STK17B: variants seen among roughly 807,000 people sequenced by gnomAD.
STK17B encodes serine/threonine-protein kinase 17B.
Under a neutral mutation model 42.0 loss-of-function variants are expected in STK17B, and 21 were observed. That is an observed-to-expected ratio of 0.50 (90% CI 0.35 to 0.72). STK17B has a LOEUF of 0.72. STK17B is among the 30% of genes least tolerant of loss of function. The pLI is 0.00. For synonymous variants in STK17B, 143 were observed against 148.4 expected (o/e 0.96, Z 0.26); for missense variants, 349 against 446.0 (o/e 0.78, Z 1.96).
At chr2:196,152,815 T>G (rs1699683948) in intron 3 of STK17B, among the ~76,000 whole-genome samples, 1 of 152,186 alleles carries the variant, frequency 6.6e-6, no homozygotes, top group South Asian at 2.1e-4. Context: ...TGAGCCAGAA[T>G]GAATAAATGT....
At chr2:196,171,944 G>C (rs1006480503), upstream of STK17B, among the ~76,000 whole-genome samples, 1 of 152,204 alleles carries the variant, frequency 6.6e-6, no homozygotes, top group Non-Finnish European at 1.5e-5. Context: ...GGAGACCGGG[G>C]AGAAGGAAGC....
intron 4 of STK17B, among the ~76,000 whole-genome samples, chr2:196,144,449 T>C (rs753453229): frequency 5.2e-5 from 6 of 114,456 alleles, no homozygotes; most frequent in Non-Finnish European, 8.1e-5. Flanking sequence ...ATCGCACCAC[T>C]GCAATTCAGC....
At chr2:196,161,413 A>G (rs1346900556) in intron 2 of STK17B, among the ~76,000 whole-genome samples, 1 of 152,098 alleles carries the variant, frequency 6.6e-6, no homozygotes, top group Non-Finnish European at 1.5e-5. Context: ...ATACACCATT[A>G]AAACACCCAA....
intron 3 of STK17B, among the ~76,000 whole-genome samples, chr2:196,152,552 C>T (rs1431247755): frequency 6.6e-6 from 1 of 152,176 alleles, no homozygotes; most frequent in Non-Finnish European, 1.5e-5. Context: ...CATAATAATT[C>T]CCATTTACAG....
chr2:196,169,222 C>T (rs567018934), intron 1 of STK17B, among the ~76,000 whole-genome samples: 2 of 151,944 alleles, frequency 1.3e-5, no homozygotes, highest in East Asian at 3.9e-4. Context: ...ACTACAGGCG[C>T]GCGCCACAAT....
chr2:196,161,581 T>G (rs1462640054), intron 2 of STK17B, among the ~76,000 whole-genome samples: 6 of 134,826 alleles, frequency 4.5e-5, no homozygotes, highest in African/African-American at 1.7e-4. Context: ...TGCAGTGGCA[T>G]GATATCGGCT....
chr2:196,147,734 A>ATTT lies in STK17B; in HGVS notation c.336-1680_336-1679insAAA, dbSNP rs200152797. 2.0e-4 allele frequency among the ~76,000 whole-genome samples: 29 copies of ATTT among 145,498 alleles called. No homozygotes were observed. In the East Asian group the frequency reaches 2.8e-3, roughly 14 times the overall value. On this transcript the variant is annotated intron_variant, in intron 3 of 7. Coordinates refer to ENST00000263955, the MANE Select transcript of STK17B (RefSeq NM_004226.4). ...TTGCTGTAAATTCATGAGACATAAT[A>ATTT]TATTTTTTTTTTTTTTGAGATGGAG...
At chr2:196,145,354 A>C (rs935430472) in intron 4 of STK17B, among the ~76,000 whole-genome samples, 1 of 152,078 alleles carries the variant, frequency 6.6e-6, no homozygotes, top group Non-Finnish European at 1.5e-5. Context: ...TTCAGATCTT[A>C]AGGTCCTTGT....
In STK17B at chr2:196,134,841, T is replaced by C. The variant is rs1320421370; in HGVS notation, c.*2606A>G. 6.6e-6 allele frequency: 1 copy of C among 152,226 alleles called. No individual in the cohort carries two copies. Among genetic ancestry groups the C allele is most frequent in the African/African-American group, 2.4e-5 (1 of 41,466 alleles). 9.4% of individuals were successfully genotyped at this position (152,226 alleles called of 1,614,324 possible). A position where few individuals can be genotyped will look rare whatever the true frequency, so the allele number is the denominator to read the frequency against. On this transcript the variant is annotated 3_prime_UTR_variant, in exon 8 of 8. Coordinates refer to ENST00000263955, the MANE Select transcript of STK17B (RefSeq NM_004226.4). Reference sequence around the variant, plus strand: ...ACAGGGGCTCTCTAGATTCCTACTTTAGAGAAATACATTATGCTTTTCAAT... The same window carrying C: ...ACAGGGGCTCTCTAGATTCCTACTTCAGAGAAATACATTATGCTTTTCAAT...
intron 4 of STK17B, 144 bp downstream of exon 4, chr2:196,145,767 C>T (rs918585492): frequency 1.7e-5 from 11 of 656,280 alleles, no homozygotes; most frequent in East Asian, 3.3e-5. Context: ...GCCACATAGG[C>T]ACACGTAAGC....
At chr2:196,143,505 T>G in intron 5 of STK17B, 55 bp downstream of exon 5, 3 of 1,466,100 alleles carry the variant, frequency 2.0e-6, no homozygotes, top group Non-Finnish European at 1.8e-6. Context: ...TCTACAGAGG[T>G]ATCATTTACT....
At chr2:196,162,887 C>T (rs115343749) in intron 2 of STK17B, among the ~76,000 whole-genome samples, 1 of 152,104 alleles carries the variant, frequency 6.6e-6, no homozygotes, top group African/African-American at 2.4e-5. Context: ...GAGACCCCGC[C>T]ACAAACAAAA....
chr2:196,157,750 G>T (rs1699758750), intron 2 of STK17B, among the ~76,000 whole-genome samples: 1 of 152,124 alleles, frequency 6.6e-6, no homozygotes, highest in South Asian at 2.1e-4. Context: ...TAGTACCTCT[G>T]CCAAAATTTA....
At chr2:196,164,366 T>C (rs12693786) in intron 1 of STK17B, among the ~76,000 whole-genome samples, 95,124 of 151,964 alleles carry the variant, frequency 0.63, 29,881 homozygotes, top group South Asian at 0.67. Context: ...GACTAACCTA[T>C]ACATAAAGCT....
chr2:196,146,296 T>C (rs1469419523), intron 3 of STK17B, among the ~76,000 whole-genome samples: 1 of 152,010 alleles, frequency 6.6e-6, no homozygotes, highest in Admixed American at 6.6e-5. Flanking sequence ...CACTGAAGGT[T>C]GGGAGTTCGA....
intron 1 of STK17B, chr2:196,165,977 T>C (rs766730811): frequency 2.0e-5 from 3 of 152,260 alleles, no homozygotes; most frequent in Non-Finnish European, 2.9e-5. Context: ...TAACTACTTA[T>C]GTATCTTCTT....
chr2:196,149,176 T>C (rs1403948169), intron 3 of STK17B, among the ~76,000 whole-genome samples: 1 of 152,014 alleles, frequency 6.6e-6, no homozygotes, highest in East Asian at 1.9e-4. Flanking sequence ...TTTTTTTTTT[T>C]TTCCTGAGAC....
At chr2:196,152,799 A>G (rs1046381791) in intron 3 of STK17B, among the ~76,000 whole-genome samples, 1 of 152,114 alleles carries the variant, frequency 6.6e-6, no homozygotes, top group Admixed American at 6.5e-5. Flanking sequence ...AGAAACATAT[A>G]AAGAATGAGC....
At chr2:196,152,849 G>T (rs980463945) in intron 3 of STK17B, among the ~76,000 whole-genome samples, 13 of 152,198 alleles carry the variant, frequency 8.5e-5, no homozygotes, top group Non-Finnish European at 1.9e-4. Context: ...GGTATGGTTG[G>T]AAGAGAGCAG....
Sources: allele counts gnomAD v4.1 joint callset (sites outside exome capture counted in the v4.1 genomes callset), GRCh38; gene constraint gnomAD v4.1.1; transcripts MANE v1.5; gene names NCBI Gene and HGNC (gene_info 2026-07-23, HGNC 2026-07-21).